The following CPEB1 variants were observed in gnomAD, a reference collection of about 807,000 sequenced individuals.
CPEB1 encodes cytoplasmic polyadenylation element-binding protein 1.
CPEB1 carries 7 observed loss-of-function variants against 65.8 expected under a neutral mutation model. That is an observed-to-expected ratio of 0.11 (90% CI 0.06 to 0.20). The LOEUF (loss-of-function observed/expected upper bound fraction) is 0.20, where lower values mean the gene tolerates loss of function less well. Among genes scored for constraint, CPEB1 ranks in the 10% least tolerant of loss-of-function variants. The probability of loss-of-function intolerance (pLI) is 1.00; values close to 1 mark genes in which losing one functional copy is unlikely to be tolerated. For synonymous variants in CPEB1, 262 were observed against 260.0 expected, an observed-to-expected ratio of 1.01 and a Z score of -0.08; for missense variants, 551 against 712.2, an observed-to-expected ratio of 0.77 and a Z score of 2.58.
chr15:82,621,968 A>G (rs1281496647), intron 3 of CPEB1, among the ~76,000 whole-genome samples: 1 of 152,202 alleles, frequency 6.6e-6, no homozygotes, highest in African/African-American at 2.4e-5. Context: ...CATCCTAAAT[A>G]TTAAGTCTCC....
At chr15:82,552,666 T>TC (rs1223058612) in intron 8 of CPEB1, 50 bp from the exon 9 acceptor site, 4 of 1,564,880 alleles carry the variant, frequency 2.6e-6, no homozygotes, top group Non-Finnish European at 3.5e-6. Context: ...AGGTGGCCAC[T>TC]CCTCAGCCTT....
chr15:82,553,906 T>C lies in CPEB1; in HGVS notation c.1026A>G (p.Leu342=). The change falls in exon 7 of 13, where the codon CTA becomes CTG. Residue 342 remains leucine (L), a synonymous_variant. Transcript: ENST00000684509. ...CTGTAATATCCCAAGGAACACCTCC[T>C]AGAAACACCTTGCAAGAGTAGATGG... ...KNPIYSCKVF[L]GGVPWDITEA... is the part of the protein sequence containing the mutation. 6.2e-7 allele frequency: 1 copy of C among 1,612,576 alleles called. No homozygotes were observed. Among genetic ancestry groups the C allele is most frequent in the Non-Finnish European group, 8.5e-7 (1 of 1,179,060 alleles).
In CPEB1 at chr15:82,553,521, A is replaced by C. The variant is rs1308430737; in HGVS notation, c.1090T>G (p.Leu364Val). Residue 364 changes from leucine to valine, a missense_variant, in exon 8 of 13, where the codon TTG (leucine) becomes GTG (valine). Physicochemically the swap from Leu to Val is conservative, Grantham distance 32. Transcript: ENST00000684509. ...TCCTTACCAGGCCACTCCACACTCA[A>C]AGAGCCAAAAACACGGAAGGTGTTA... ...LVNTFRVFGS[L>V]SVEWPGKDGK... 1.9e-6 allele frequency: 3 copies of C among 1,613,716 alleles called. No individual in the cohort carries two copies. Among genetic ancestry groups the C allele is most frequent in the East Asian group, 4.5e-5 (2 of 44,872 alleles).
intron 3 of CPEB1, among the ~76,000 whole-genome samples, chr15:82,609,959 C>G (rs2043971163): frequency 6.6e-6 from 1 of 150,974 alleles, no homozygotes; most frequent in African/African-American, 2.4e-5. Flanking sequence ...ACTTGGGAGG[C>G]TGAGGCGGGA....
chr15:82,562,293 C>T lies in CPEB1; in HGVS notation c.461-4307G>A, dbSNP rs1034487632. On this transcript the variant is annotated intron_variant, in intron 4 of 12. Transcript: ENST00000684509. Reference sequence around the variant, plus strand: ...CCTACCAGAAGTCCCTGCTTTAGGACCTAGAGTATTTGGGTCTTAAATCTA... The same window carrying T: ...CCTACCAGAAGTCCCTGCTTTAGGATCTAGAGTATTTGGGTCTTAAATCTA... 13 of 439,132 alleles carry T rather than the reference C, an allele frequency of 3.0e-5. No individual in the cohort carries two copies. In the Admixed American group the frequency reaches 3.5e-4, roughly 12 times the overall value. The allele number at this position is 439,132 out of a possible 1,614,324, so 27.2% of individuals were successfully genotyped here.
chr15:82,644,701 G>C (rs1372167481), intron 1 of CPEB1, among the ~76,000 whole-genome samples: 1 of 152,192 alleles, frequency 6.6e-6, no homozygotes, highest in East Asian at 1.9e-4. Flanking sequence ...ATACTCTGTA[G>C]TTCAGAAGCC....
rs1245246927 is a variant in CPEB1 at position 82,546,437 on chromosome 15, C to T, written c.1656+4G>A. On this transcript the variant is annotated splice_donor_region_variant and intron_variant, in intron 12 of 12. Transcript: ENST00000684509. ...GGCAGGGACTTCATAGACATCGGACCCACCTGATCTCGACAGAAGAAAGGA... is the reference window on the plus strand; with the variant it reads ...GGCAGGGACTTCATAGACATCGGACTCACCTGATCTCGACAGAAGAAAGGA... 1 of 1,612,296 alleles carries T rather than the reference C, an allele frequency of 6.2e-7. No individual in the cohort carries two copies. The highest frequency in any genetic ancestry group is 8.5e-7 in the Non-Finnish European group (1 of 1,178,540).
At chr15:82,597,842 C>T (rs2042780099) in intron 3 of CPEB1, among the ~76,000 whole-genome samples, 1 of 152,156 alleles carries the variant, frequency 6.6e-6, no homozygotes, top group South Asian at 2.1e-4. Flanking sequence ...ACCAGCAAGA[C>T]AGATGGATTC....
intron 1 of CPEB1, among the ~76,000 whole-genome samples, chr15:82,633,530 G>A (rs1260473572): frequency 6.6e-6 from 1 of 152,124 alleles, no homozygotes; most frequent in African/African-American, 2.4e-5. Flanking sequence ...GTGCCACCAC[G>A]CCTGGCTAAT....
chr15:82,612,042 C>A (rs1179659685), intron 3 of CPEB1, among the ~76,000 whole-genome samples: 1 of 149,008 alleles, frequency 6.7e-6, no homozygotes, highest in Non-Finnish European at 1.5e-5. Context: ...AACCCTGTCT[C>A]CACTAAAAAA....
intron 3 of CPEB1, 195 bp from the exon 4 acceptor site, chr15:82,571,727 C>T: frequency 7.0e-7 from 1 of 1,423,424 alleles, no homozygotes; most frequent in East Asian, 2.6e-5. Flanking sequence ...AGGCCCCCTC[C>T]CCTCACACAC....
At chr15:82,647,613 C>T, upstream of CPEB1, 1 of 332,276 alleles carries the variant, frequency 3.0e-6, no homozygotes, top group Non-Finnish European at 5.4e-6. Context: ...CCGGCCGCCC[C>T]CGCAGGGCTG....
rs984433976 is a variant in CPEB1, at chr15:82,544,071, C to T, written c.*521G>A. 6.6e-6 allele frequency: 1 copy of T among 152,414 alleles called. No individual in the cohort carries two copies. The highest frequency in any genetic ancestry group is 6.5e-5 in the Admixed American group (1 of 15,278). The allele number at this position is 152,414 out of a possible 1,614,324, so 9.4% of individuals were successfully genotyped here. A position where few individuals can be genotyped will look rare whatever the true frequency, so the allele number is the denominator to read the frequency against. ...TCTCCTTATTGTTTACAGTAAAAAA[C>T]ACCAGCTGAACACTCAGTTTATGCC... On this transcript the variant is annotated 3_prime_UTR_variant, in exon 13 of 13. Coordinates refer to ENST00000684509, the MANE Select transcript of CPEB1 (RefSeq NM_001365242.1).
At chr15:82,601,498 G>A (rs766563017) in intron 3 of CPEB1, among the ~76,000 whole-genome samples, 5 of 151,988 alleles carry the variant, frequency 3.3e-5, no homozygotes, top group Non-Finnish European at 5.9e-5. Context: ...CTGAGATCAC[G>A]CCACTGCACT....
chr15:82,576,780 T>G (rs539780578), intron 3 of CPEB1, among the ~76,000 whole-genome samples: 49 of 152,280 alleles, frequency 3.2e-4, no homozygotes, highest in Non-Finnish European at 6.6e-4. Context: ...CCCAGCACTT[T>G]GTGAGGCCAA....
intron 3 of CPEB1, among the ~76,000 whole-genome samples, chr15:82,594,234 C>T (rs1394071402): frequency 2.6e-5 from 4 of 152,160 alleles, no homozygotes; most frequent in Non-Finnish European, 4.4e-5. Context: ...TTGAGTGTAG[C>T]CATCTTACCA....
intron 4 of CPEB1, among the ~76,000 whole-genome samples, chr15:82,559,468 A>T (rs1206084144): frequency 1.3e-5 from 2 of 152,156 alleles, no homozygotes; most frequent in Non-Finnish European, 2.9e-5. Flanking sequence ...AAGTAGATGG[A>T]ACTATATACC....
chr15:82,584,202 T>C (rs1473950041), intron 3 of CPEB1, among the ~76,000 whole-genome samples: 1 of 127,094 alleles, frequency 7.9e-6, no homozygotes, highest in African/African-American at 3.1e-5. Context: ...GAGCTTGCAG[T>C]GAGTGGAGAT....
At chr15:82,583,016 T>A (rs1029971970) in intron 3 of CPEB1, among the ~76,000 whole-genome samples, 1 of 151,518 alleles carries the variant, frequency 6.6e-6, no homozygotes, top group Non-Finnish European at 1.5e-5. Context: ...GCTGTAGGAG[T>A]TTAATTCTTA....
Sources: allele counts gnomAD v4.1 joint callset (sites outside exome capture counted in the v4.1 genomes callset), GRCh38; gene constraint gnomAD v4.1.1; transcripts MANE v1.5; gene names NCBI Gene and HGNC (gene_info 2026-07-23, HGNC 2026-07-21).